Variants in KCNIP4 observed in about 807,000 individuals in gnomAD.
KCNIP4 encodes Kv channel-interacting protein 4.
In KCNIP4, 12 loss-of-function variants were observed where a neutral mutation model predicts 34.0. The ratio of observed to expected loss-of-function variants is 0.35; its 90% confidence interval spans 0.23 to 0.57. The LOEUF is 0.57. KCNIP4 is among the 20% of genes least tolerant of loss of function. The probability of loss-of-function intolerance (pLI) is 0.83; values close to 1 mark genes in which losing one functional copy is unlikely to be tolerated. For synonymous variants in KCNIP4, 124 were observed against 102.2 expected (o/e 1.21, Z -1.29); for missense variants, 238 against 311.7 (o/e 0.76, Z 1.78).
intron 1 of KCNIP4, among the ~76,000 whole-genome samples, chr4:21,304,890 T>C (rs1268463051): frequency 6.6e-6 from 1 of 151,942 alleles, no homozygotes; most frequent in Non-Finnish European, 1.5e-5. Flanking sequence ...TACACCAAAA[T>C]ATATACAGTA....
Position 21,938,301 on chromosome 4 carries a change from C to A in KCNIP4, c.61+10270G>T, listed in dbSNP as rs550883180. Among the ~76,000 whole-genome samples the A allele has an allele frequency of 2.0e-5, 3 of 152,204 alleles. No individual in the cohort carries two copies. The South Asian group carries it at 6.2e-4, about 32-fold the overall frequency. ...GCTTTTGAAGTTCTAATTTTCATCT[C>A]TCATTTCTATCTCTTTAGATTCAGG... On this transcript the variant is annotated intron_variant, in intron 1 of 8. Transcript: ENST00000382152.
intron 2 of KCNIP4, among the ~76,000 whole-genome samples, chr4:20,853,735 T>A (rs1158929624): frequency 6.6e-6 from 1 of 152,074 alleles, no homozygotes; most frequent in Non-Finnish European, 1.5e-5. Flanking sequence ...GAGAAAATCT[T>A]CATAATCTAT....
intron 3 of KCNIP4, among the ~76,000 whole-genome samples, chr4:20,770,056 G>A (rs1755738091): frequency 6.6e-6 from 1 of 152,056 alleles, no homozygotes. Context: ...CAAGAGACAG[G>A]GATCTTGAGT....
chr4:20,876,086 T>C (rs545527677), intron 2 of KCNIP4, among the ~76,000 whole-genome samples: 2 of 152,318 alleles, frequency 1.3e-5, no homozygotes, highest in East Asian at 3.9e-4. Context: ...AGCTCTAATT[T>C]AGTGAATCAA....
intron 1 of KCNIP4, among the ~76,000 whole-genome samples, chr4:21,798,882 T>C (rs892651202): frequency 6.6e-6 from 1 of 152,170 alleles, no homozygotes; most frequent in Non-Finnish European, 1.5e-5. Flanking sequence ...ATATTTGGCT[T>C]ATATATTTGG....
chr4:20,868,833 G>A (rs745858056), intron 2 of KCNIP4, among the ~76,000 whole-genome samples: 3 of 152,036 alleles, frequency 2.0e-5, no homozygotes, highest in Non-Finnish European at 4.4e-5. Context: ...ACAGACTACT[G>A]GGAAGGCGGG....
At chr4:21,277,162 A>G (rs1360587694) in intron 1 of KCNIP4, among the ~76,000 whole-genome samples, 7 of 152,208 alleles carry the variant, frequency 4.6e-5, no homozygotes, top group African/African-American at 1.7e-4. Context: ...GGCCCCAGAG[A>G]AAAGATCCAC....
At chr4:21,238,074 C>T (rs773212611) in intron 1 of KCNIP4, among the ~76,000 whole-genome samples, 20 of 152,054 alleles carry the variant, frequency 1.3e-4, no homozygotes, top group African/African-American at 2.4e-4. Context: ...GCTGGTTCAA[C>T]ATACGCAAAT....
At chr4:21,886,131 G>A (rs1424014950) in intron 1 of KCNIP4, among the ~76,000 whole-genome samples, 1 of 152,098 alleles carries the variant, frequency 6.6e-6, no homozygotes, top group Non-Finnish European at 1.5e-5. Context: ...TGAGATTCAT[G>A]CAGTTTTTGA....
At chr4:21,365,880 A>T (rs1296595978) in intron 1 of KCNIP4, among the ~76,000 whole-genome samples, 1 of 152,220 alleles carries the variant, frequency 6.6e-6, no homozygotes, top group Admixed American at 6.5e-5. Context: ...ACATTCTGAA[A>T]TATCTGAAAT....
intron 2 of KCNIP4, among the ~76,000 whole-genome samples, chr4:20,854,145 C>T (rs1198812502): frequency 2.6e-5 from 4 of 152,098 alleles, no homozygotes; most frequent in African/African-American, 4.8e-5. Flanking sequence ...ACTGAGCATC[C>T]GCCCAAAGGA....
At chr4:20,967,925 C>A (rs1035828989) in intron 1 of KCNIP4, among the ~76,000 whole-genome samples, 4 of 152,120 alleles carry the variant, frequency 2.6e-5, no homozygotes, top group Non-Finnish European at 5.9e-5. Context: ...CCACAATAGA[C>A]AAATGGGATC....
chr4:21,657,538 T>C (rs1358543632), intron 1 of KCNIP4, among the ~76,000 whole-genome samples: 1 of 152,232 alleles, frequency 6.6e-6, no homozygotes, highest in Non-Finnish European at 1.5e-5. Context: ...GAGGTACTCA[T>C]TATTTGATAT....
intron 1 of KCNIP4, chr4:21,656,560 A>G (rs1747958831): frequency 6.6e-6 from 1 of 152,208 alleles, no homozygotes; most frequent in Non-Finnish European, 1.5e-5. Flanking sequence ...GGTGACAGGC[A>G]AAATAGGTAT....
intron 1 of KCNIP4, among the ~76,000 whole-genome samples, chr4:21,323,140 G>C (rs1714670506): frequency 1.0e-5 from 1 of 97,592 alleles, no homozygotes; most frequent in South Asian, 3.6e-4. Context: ...CATCTCTTTT[G>C]TAAGTATATA....
chr4:20,854,378 T>G (rs569214053), intron 2 of KCNIP4, among the ~76,000 whole-genome samples: 4 of 152,264 alleles, frequency 2.6e-5, no homozygotes, highest in Admixed American at 2.6e-4. Flanking sequence ...TTCTAAGTGA[T>G]GTAACTCAAG....
chr4:21,490,330 A>G (rs1732283639), intron 1 of KCNIP4, among the ~76,000 whole-genome samples: 1 of 152,168 alleles, frequency 6.6e-6, no homozygotes, highest in Non-Finnish European at 1.5e-5. Context: ...ATAAGGGAGA[A>G]ATCACCTAGT....
intron 1 of KCNIP4, among the ~76,000 whole-genome samples, chr4:21,456,181 G>T (rs1225529943): frequency 6.8e-6 from 1 of 147,206 alleles, no homozygotes; most frequent in African/African-American, 2.7e-5. Context: ...AAGAAACTCT[G>T]CCAGTTACAG....
intron 3 of KCNIP4, among the ~76,000 whole-genome samples, chr4:20,833,243 A>G (rs754522633): frequency 6.6e-6 from 1 of 152,200 alleles, no homozygotes; most frequent in Non-Finnish European, 1.5e-5. Context: ...ATTTGGTGAC[A>G]TTGTTCTTTT....
Sources: allele counts gnomAD v4.1 joint callset (sites outside exome capture counted in the v4.1 genomes callset), GRCh38; gene constraint gnomAD v4.1.1; transcripts MANE v1.5; gene names NCBI Gene and HGNC (gene_info 2026-07-23, HGNC 2026-07-21).